ITSN1: variants seen among roughly 807,000 people sequenced by gnomAD.
The protein encoded by ITSN1 is intersectin 1.
ITSN1 carries 58 observed loss-of-function variants against 239.8 expected under a neutral mutation model. The ratio of observed to expected loss-of-function variants is 0.24; its 90% CI spans 0.20 to 0.30. ITSN1 has a LOEUF of 0.30. Ranked by LOEUF, ITSN1 falls within the 10% of genes least tolerant of loss-of-function variation. The pLI, the probability that ITSN1 is intolerant of heterozygous loss-of-function variation, is 1.00. For missense variants in ITSN1, 1,558 were observed against 2,103.3 expected, an observed-to-expected ratio of 0.74 and a Z score of 5.07; for synonymous variants, 780 against 770.8, an observed-to-expected ratio of 1.01 and a Z score of -0.20.
At chr21:33,758,871 A>C (rs1452895899) in intron 8 of ITSN1, among the ~76,000 whole-genome samples, 2 of 152,164 alleles carry the variant, frequency 1.3e-5, no homozygotes, top group Middle Eastern at 3.2e-3. Context: ...TCCAAAACCG[A>C]TATCCCTTTA....
intron 1 of ITSN1, among the ~76,000 whole-genome samples, chr21:33,671,485 G>A (rs1365380270): frequency 4.0e-5 from 6 of 151,816 alleles, no homozygotes; most frequent in East Asian, 1.9e-4. Context: ...GGGTTTCACC[G>A]CGTTGGTCAG....
intron 29 of ITSN1, among the ~76,000 whole-genome samples, chr21:33,841,213 G>A (rs993447661): frequency 2.6e-5 from 4 of 152,198 alleles, no homozygotes; most frequent in South Asian, 2.1e-4. Flanking sequence ...AAATAGTAAC[G>A]ATTGGGTTAT....
intron 26 of ITSN1, among the ~76,000 whole-genome samples, chr21:33,828,674 C>A (rs933229547): frequency 6.6e-6 from 1 of 152,022 alleles, no homozygotes; most frequent in African/African-American, 2.4e-5. Context: ...TCCTTTCGTT[C>A]ACAAACCACA....
At chr21:33,669,795 T>A (rs753025527) in intron 1 of ITSN1, among the ~76,000 whole-genome samples, 1 of 151,610 alleles carries the variant, frequency 6.6e-6, no homozygotes, top group African/African-American at 2.4e-5. Context: ...TTTTTTTTTT[T>A]AATCTCAGAA....
rs1202214428 is a variant in ITSN1, at chr21:33,894,533, T to TA, written c.*6233_*6234insA. 3.3e-5 allele frequency: 5 copies of TA among 152,202 alleles called. No individual in the cohort carries two copies. Among genetic ancestry groups the TA allele is most frequent in the African/African-American group, 9.6e-5 (4 of 41,468 alleles). The allele number at this position is 152,202 out of a possible 1,614,324, so 9.4% of individuals were successfully genotyped here. On this transcript the variant is annotated 3_prime_UTR_variant, in exon 40 of 40. Transcript: ENST00000381318. ...ATAAAGCTGTGTTCAGAAGTGGACTTTTTGGTCAGCCTTGAAAAAAAAAAA... is the reference window on the plus strand; with the variant it reads ...ATAAAGCTGTGTTCAGAAGTGGACTTATTTGGTCAGCCTTGAAAAAAAAAAA...
chr21:33,655,133 C>G (rs1203203477), intron 1 of ITSN1, among the ~76,000 whole-genome samples: 1 of 152,026 alleles, frequency 6.6e-6, no homozygotes, highest in African/African-American at 2.4e-5. Flanking sequence ...TAATCTAATT[C>G]AGGCAATCAC....
In ITSN1 at chr21:33,899,730, T is replaced by C. The variant is rs1986989856; in HGVS notation, c.*11430T>C. The C allele has an allele frequency of 6.6e-6, 1 of 152,218 alleles. No individual in the cohort carries two copies. Among genetic ancestry groups the C allele is most frequent in the Non-Finnish European group, 1.5e-5 (1 of 68,044 alleles). 9.4% of individuals were successfully genotyped at this position (152,218 alleles called of 1,614,324 possible). A position where few individuals can be genotyped will look rare whatever the true frequency, so the allele number is the denominator to read the frequency against. On this transcript the variant is annotated 3_prime_UTR_variant, in exon 40 of 40. Coordinates refer to ENST00000381318, the MANE Select transcript of ITSN1 (RefSeq NM_003024.3). ...GTAGCAACATCAGTACAAATTGCTC[T>C]TCCTGTGTATCTTGAACCTAAAAAG...
rs73199854 is a variant in ITSN1, at chr21:33,744,757, A to G, written c.347-5386A>G. Among the ~76,000 whole-genome samples the G allele has an allele frequency of 6.8e-3, 1,031 of 152,342 alleles. 9 individuals carry two copies. Among genetic ancestry groups the G allele is most frequent in the Middle Eastern group, 0.024 (7 of 294 alleles). The stretch of plus-strand genomic sequence containing the variant: ...GGCTTACATTGGCCAAAGAGAGGAC[A>G]GTTTGAACTTCAAGAATGATAATGT... On this transcript the variant is annotated intron_variant, in intron 5 of 39. Transcript: ENST00000381318.
At chr21:33,692,650 G>C (rs1436385612) in intron 1 of ITSN1, among the ~76,000 whole-genome samples, 10 of 151,898 alleles carry the variant, frequency 6.6e-5, no homozygotes, top group Admixed American at 6.6e-4. Context: ...TTCTGAATTT[G>C]ACTAAATTTA....
intron 16 of ITSN1, among the ~76,000 whole-genome samples, chr21:33,787,375 T>C (rs1014558987): frequency 1.3e-5 from 2 of 152,264 alleles, no homozygotes; most frequent in Non-Finnish European, 2.9e-5. Context: ...TTCACAATTA[T>C]GATTTAATTC....
At chr21:33,730,558 G>A (rs913878781) in intron 4 of ITSN1, among the ~76,000 whole-genome samples, 11 of 151,364 alleles carry the variant, frequency 7.3e-5, no homozygotes, top group African/African-American at 2.7e-4. Flanking sequence ...GTGCCACCAT[G>A]CCCAGCTAAT....
chr21:33,817,401 T>C (rs1384299843), intron 22 of ITSN1: 2 of 1,304,328 alleles, frequency 1.5e-6, no homozygotes, highest in Non-Finnish European at 1.0e-6. Context: ...CTTCTCATCC[T>C]TCAAGGCCCA....
intron 1 of ITSN1, among the ~76,000 whole-genome samples, chr21:33,659,134 T>C (rs1013173537): frequency 2.0e-5 from 3 of 152,176 alleles, no homozygotes; most frequent in Admixed American, 6.5e-5. Flanking sequence ...TACTTAATCA[T>C]GCCTATGCAA....
intron 14 of ITSN1, among the ~76,000 whole-genome samples, chr21:33,776,268 C>T (rs898249512): frequency 2.0e-5 from 3 of 151,506 alleles, no homozygotes; most frequent in Non-Finnish European, 4.4e-5. Flanking sequence ...AAGAAACTGT[C>T]AGGCTGGGCA....
chr21:33,816,997 T>G (rs966417691), intron 22 of ITSN1, among the ~76,000 whole-genome samples: 3 of 152,144 alleles, frequency 2.0e-5, no homozygotes, highest in Admixed American at 1.3e-4. Flanking sequence ...CTGTTGTAAA[T>G]TCTCTGCTCA....
At chr21:33,859,138 C>A (rs67668917) in intron 31 of ITSN1, among the ~76,000 whole-genome samples, 54,815 of 152,048 alleles carry the variant, frequency 0.36, 10,220 homozygotes, top group East Asian at 0.51. Flanking sequence ...CGCTTTCCCT[C>A]GGACGCGGGA....
chr21:33,664,966 A>C (rs541898987), intron 1 of ITSN1, among the ~76,000 whole-genome samples: 2 of 149,268 alleles, frequency 1.3e-5, no homozygotes, highest in Non-Finnish European at 3.0e-5. Context: ...CTTATAAAAA[A>C]TAATTAGACA....
At chr21:33,816,202 A>G (rs183546854) in intron 22 of ITSN1, among the ~76,000 whole-genome samples, 342 of 152,236 alleles carry the variant, frequency 2.2e-3, no homozygotes, top group African/African-American at 7.7e-3. Flanking sequence ...TCAAAAAAAA[A>G]AAAAGAATTG....
At chr21:33,672,724 T>G (rs1024935719) in intron 1 of ITSN1, among the ~76,000 whole-genome samples, 1 of 152,074 alleles carries the variant, frequency 6.6e-6, no homozygotes, top group South Asian at 2.1e-4. Context: ...ATTTTTTTTT[T>G]TTTTTTGAGA....
Sources: gnomAD v4.1 joint callset for allele counts (sites outside exome capture counted in the v4.1 genomes callset) on GRCh38, gnomAD v4.1.1 for gene constraint, MANE v1.5 for transcripts, NCBI Gene and HGNC (gene_info 2026-07-23, HGNC 2026-07-21) for gene names.